Variants in UNC5C observed in about 807,000 individuals in gnomAD.
UNC5C encodes netrin receptor UNC5C.
A neutral mutation model predicts 99.8 loss-of-function variants in UNC5C; 47 were observed. The ratio of observed to expected loss-of-function variants is 0.47; its 90% CI spans 0.37 to 0.60. The LOEUF (loss-of-function observed/expected upper bound fraction) is 0.60, where lower values mean the gene tolerates loss of function less well. Among genes scored for constraint, UNC5C ranks in the 20% least tolerant of loss-of-function variants. The probability of loss-of-function intolerance (pLI) is 0.00; values close to 1 mark genes in which losing one functional copy is unlikely to be tolerated. For synonymous variants in UNC5C, 487 were observed against 452.2 expected, an observed-to-expected ratio of 1.08 and a Z score of -0.98; for missense variants, 1,062 against 1,165.9, an observed-to-expected ratio of 0.91 and a Z score of 1.30.
At chr4:95,439,950 A>G (rs575531608) in intron 1 of UNC5C, among the ~76,000 whole-genome samples, 3 of 152,296 alleles carry the variant, frequency 2.0e-5, no homozygotes, top group Admixed American at 6.5e-5. Flanking sequence ...ATACAGGAAG[A>G]GAGGACAAGC....
intron 14 of UNC5C, among the ~76,000 whole-genome samples, chr4:95,180,807 C>G (rs1472281650): frequency 3.3e-5 from 5 of 152,148 alleles, no homozygotes; most frequent in Admixed American, 1.3e-4. Flanking sequence ...GGAACGGGAA[C>G]CCCAGCCTCA....
At chr4:95,523,711 G>A (rs1293499805) in intron 1 of UNC5C, among the ~76,000 whole-genome samples, 1 of 152,132 alleles carries the variant, frequency 6.6e-6, no homozygotes, top group Non-Finnish European at 1.5e-5. Context: ...TACAATTGCT[G>A]TTAAAACCAT....
chr4:95,356,061 C>A, intron 1 of UNC5C, among the ~76,000 whole-genome samples: 1 of 151,414 alleles, frequency 6.6e-6, no homozygotes, highest in Admixed American at 6.6e-5. Flanking sequence ...GTGGTGGCAC[C>A]CACCTGTAGT....
At chr4:95,386,270 A>G (rs1265708911) in intron 1 of UNC5C, among the ~76,000 whole-genome samples, 3 of 152,072 alleles carry the variant, frequency 2.0e-5, no homozygotes, top group African/African-American at 7.2e-5. Context: ...CACATTGTGC[A>G]GGTTAGTTAC....
chr4:95,365,437 G>T, intron 1 of UNC5C, among the ~76,000 whole-genome samples: 1 of 136,028 alleles, frequency 7.4e-6, no homozygotes, highest in African/African-American at 2.7e-5. Flanking sequence ...TATAAATAAT[G>T]TAAAAATATA....
At chr4:95,394,651 C>CTGTGTGTG (rs10527279) in intron 1 of UNC5C, among the ~76,000 whole-genome samples, 3,284 of 147,634 alleles carry the variant, frequency 0.022, 71 homozygotes, top group African/African-American at 0.047. Flanking sequence ...AAGGTATTTG[C>CTGTGTGTG]TGTGTGTGTG....
chr4:95,350,353 G>A (rs770773174), intron 1 of UNC5C, among the ~76,000 whole-genome samples: 1 of 152,046 alleles, frequency 6.6e-6, no homozygotes, highest in African/African-American at 2.4e-5. Context: ...TGGGCATGGT[G>A]GCACATGCCT....
At chr4:95,456,404 C>T (rs967478262) in intron 1 of UNC5C, among the ~76,000 whole-genome samples, 1 of 152,046 alleles carries the variant, frequency 6.6e-6, no homozygotes, top group Non-Finnish European at 1.5e-5. Context: ...TGGAAATAGA[C>T]TAACTTGCTT....
intron 4 of UNC5C, among the ~76,000 whole-genome samples, chr4:95,267,467 A>G (rs1338366685): frequency 2.0e-5 from 3 of 152,264 alleles, no homozygotes; most frequent in Non-Finnish European, 4.4e-5. Context: ...TGTAATCACA[A>G]TAATATAGAC....
chr4:95,284,074 T>C (rs1741150660), intron 3 of UNC5C, among the ~76,000 whole-genome samples: 2 of 152,186 alleles, frequency 1.3e-5, no homozygotes, highest in Admixed American at 1.3e-4. Context: ...CACACACATG[T>C]GCATACAAAG....
intron 4 of UNC5C, among the ~76,000 whole-genome samples, chr4:95,273,047 C>G (rs1740716432): frequency 6.6e-6 from 1 of 152,190 alleles, no homozygotes; most frequent in South Asian, 2.1e-4. Flanking sequence ...TCAGTATCAG[C>G]TTAAAAAAAT....
chr4:95,280,102 C>A (rs115977131), intron 3 of UNC5C, among the ~76,000 whole-genome samples: 1 of 152,094 alleles, frequency 6.6e-6, no homozygotes, highest in Non-Finnish European at 1.5e-5. Context: ...GACCACGGAC[C>A]AGTACCAGTT....
intron 1 of UNC5C, among the ~76,000 whole-genome samples, chr4:95,400,354 C>G (rs575549708): frequency 2.7e-5 from 4 of 147,060 alleles, no homozygotes; most frequent in Admixed American, 1.4e-4. Context: ...AAATGTGGCC[C>G]GTAGTTCCAC....
chr4:95,250,092 C>G (rs920084959), intron 5 of UNC5C, among the ~76,000 whole-genome samples: 2 of 152,122 alleles, frequency 1.3e-5, no homozygotes, highest in African/African-American at 4.8e-5. Context: ...AGGCTTCCTT[C>G]GCTTTCCTAG....
intron 1 of UNC5C, among the ~76,000 whole-genome samples, chr4:95,547,394 T>C (rs182892022): frequency 6.6e-6 from 1 of 151,758 alleles, no homozygotes; most frequent in African/African-American, 2.4e-5. Flanking sequence ...AACACCCCCA[T>C]CCCCACCCCC....
At chr4:95,357,361 C>T (rs1434611999) in intron 1 of UNC5C, among the ~76,000 whole-genome samples, 1 of 152,044 alleles carries the variant, frequency 6.6e-6, no homozygotes, top group Non-Finnish European at 1.5e-5. Context: ...AGGCTGGTCT[C>T]AAACTCGGCC....
intron 14 of UNC5C, among the ~76,000 whole-genome samples, chr4:95,178,515 T>TAAC (rs1395472867): frequency 6.6e-6 from 1 of 152,226 alleles, no homozygotes; most frequent in African/African-American, 2.4e-5. Context: ...ACCTCTATGA[T>TAAC]AACACTGTGC....
intron 1 of UNC5C, among the ~76,000 whole-genome samples, chr4:95,424,813 G>A (rs116022080): frequency 0.055 from 8,405 of 151,868 alleles, 257 homozygotes; most frequent in Middle Eastern, 0.095. Flanking sequence ...GTGAGCCACC[G>A]CACCCGCCCC....
intron 1 of UNC5C, among the ~76,000 whole-genome samples, chr4:95,370,211 C>T (rs1744703042): frequency 6.6e-6 from 1 of 151,702 alleles, no homozygotes; most frequent in Non-Finnish European, 1.5e-5. Context: ...TAATATATCT[C>T]ATTAATAATA....
Sources: gnomAD v4.1 joint callset for allele counts (sites outside exome capture counted in the v4.1 genomes callset) on GRCh38, gnomAD v4.1.1 for gene constraint, MANE v1.5 for transcripts, NCBI Gene and HGNC (gene_info 2026-07-23, HGNC 2026-07-21) for gene names.